The following ADGRV1 variants were observed in gnomAD, a reference collection of about 807,000 sequenced individuals.
The protein encoded by ADGRV1 is G-protein coupled receptor 98.
Under a neutral mutation model 596.2 loss-of-function variants are expected in ADGRV1, and 359 were observed. The ratio of observed to expected loss-of-function variants is 0.60; its 90% CI spans 0.55 to 0.66. ADGRV1 has a LOEUF of 0.66. Ranked by LOEUF, ADGRV1 falls within the 30% of genes least tolerant of loss-of-function variation. The pLI is 0.00. For synonymous variants in ADGRV1, 2,681 were observed against 2,679.2 expected, an observed-to-expected ratio of 1.00 and a Z score of -0.02; for missense variants, 7,274 against 7,575.6, an observed-to-expected ratio of 0.96 and a Z score of 1.48.
intron 87 of ADGRV1, among the ~76,000 whole-genome samples, chr5:91,107,526 G>T (rs1303185787): frequency 6.6e-6 from 1 of 152,184 alleles, no homozygotes; most frequent in East Asian, 1.9e-4. Context: ...AGCTGAAAGT[G>T]TGGAATGTTG....
At chr5:90,734,942 T>A (rs982725273) in intron 50 of ADGRV1, among the ~76,000 whole-genome samples, 4 of 152,234 alleles carry the variant, frequency 2.6e-5, no homozygotes, top group African/African-American at 9.6e-5. Context: ...ATTTATCAGA[T>A]AGCTGTATGG....
Position 91,102,322 on chromosome 5 carries a change from C to G in ADGRV1, c.18414C>G (p.Val6138=). ...YRHFWMLVLF[V]IFNSLQGLYV... is the part of the protein sequence containing the mutation. ...ACTTCTGGATGTTGGTTCTCTTTGT[C>G]ATTTTCAACAGTCTGCAGGTAAGCC... Residue 6138 remains valine (V), a synonymous_variant, in exon 87 of 90, where the codon GTC becomes GTG. Transcript: ENST00000405460. 1 of 1,599,824 alleles carries G rather than the reference C, an allele frequency of 6.3e-7. No homozygotes were observed. Among genetic ancestry groups the G allele is most frequent in the African/African-American group, 1.3e-5 (1 of 74,588 alleles).
chr5:90,880,448 AAAC>A (rs1769652571), intron 83 of ADGRV1, among the ~76,000 whole-genome samples: 1 of 152,240 alleles, frequency 6.6e-6, no homozygotes, highest in South Asian at 2.1e-4. Context: ...TGAGCAAAGA[AAAC>A]ATCAGTGACA....
chr5:90,788,863 GACAC>G lies in ADGRV1; in HGVS notation c.13893+580_13893+583del, dbSNP rs70973708. On this transcript the variant is annotated intron_variant, in intron 68 of 89. Transcript: ENST00000405460. ...TAGGACAGACATGCACACAGACACA[GACAC>G]ACACACACACACACACACACACACA... 9.8e-3 allele frequency among the ~76,000 whole-genome samples: 1,444 copies of G among 146,924 alleles called. 7 individuals carry two copies. Among genetic ancestry groups the G allele is most frequent in the Non-Finnish European group, 0.013 (878 of 66,430 alleles).
intron 21 of ADGRV1, among the ~76,000 whole-genome samples, chr5:90,666,265 C>T (rs553343211): frequency 6.6e-6 from 1 of 152,108 alleles, no homozygotes; most frequent in East Asian, 1.9e-4. Flanking sequence ...CTTTGTAGGT[C>T]ATTCAGGACT....
At chr5:90,970,036 C>T (rs1394082834) in intron 84 of ADGRV1, among the ~76,000 whole-genome samples, 2 of 152,256 alleles carry the variant, frequency 1.3e-5, no homozygotes, top group Non-Finnish European at 2.9e-5. Flanking sequence ...TAATACTGCG[C>T]TTTTCCAATG....
chr5:90,798,108 A>T (rs1422650292), intron 70 of ADGRV1, among the ~76,000 whole-genome samples: 8 of 152,210 alleles, frequency 5.3e-5, no homozygotes, highest in African/African-American at 1.9e-4. Flanking sequence ...GATATGAAAA[A>T]TGCTTCAAAA....
chr5:90,677,685 T>A (rs543053309), intron 25 of ADGRV1, among the ~76,000 whole-genome samples: 1 of 152,272 alleles, frequency 6.6e-6, no homozygotes, highest in East Asian at 1.9e-4. Context: ...TTGAGAAACT[T>A]CTCCCCATAT....
chr5:90,943,544 A>G (rs1776332217), intron 83 of ADGRV1, among the ~76,000 whole-genome samples: 1 of 151,990 alleles, frequency 6.6e-6, no homozygotes, highest in African/African-American at 2.4e-5. Flanking sequence ...GCCTTCCATG[A>G]CCTTCCCATC....
chr5:90,942,431 A>C (rs945595371), intron 83 of ADGRV1, among the ~76,000 whole-genome samples: 78 of 152,306 alleles, frequency 5.1e-4, no homozygotes, highest in African/African-American at 1.9e-3. Flanking sequence ...ATAGTATGAA[A>C]TAGTTATGGA....
chr5:90,580,711 C>T (rs1239377447), intron 1 of ADGRV1, among the ~76,000 whole-genome samples: 1 of 152,158 alleles, frequency 6.6e-6, no homozygotes, highest in Non-Finnish European at 1.5e-5. Flanking sequence ...CTGCCCTTAA[C>T]ATTTTTTCCT....
In ADGRV1 at chr5:90,697,125, A is replaced by G. The variant is rs1747291939; in HGVS notation, c.8134A>G (p.Arg2712Gly). The change falls in exon 34 of 90, where the codon AGA becomes GGA. Residue 2712 changes from arginine (R) to glycine (G), a missense_variant. By Grantham distance (125) the Arg-to-Gly change is moderately radical. This residue lies in a region of ADGRV1 where 3,643 missense variants were observed against 3,809.2 expected (regional missense o/e 0.96). Coordinates refer to ENST00000405460, the MANE Select transcript of ADGRV1 (RefSeq NM_032119.4). ...AGIVSFQTAS[R>G]SVIGHEGEIL... Reference sequence around the variant, plus strand: ...AATTGTTAGCTTTCAGACAGCTTCCAGATCTGTCATAGGTCATGAAGGTGG... The same window carrying G: ...AATTGTTAGCTTTCAGACAGCTTCCGGATCTGTCATAGGTCATGAAGGTGG... 6.2e-7 allele frequency: 1 copy of G among 1,613,206 alleles called. No individual in the cohort carries two copies. The highest frequency in any genetic ancestry group is 1.3e-5 in the African/African-American group (1 of 74,920).
chr5:90,811,325 G>T lies in ADGRV1; in HGVS notation c.16065G>T (p.Met5355Ile). ...KDDTGFAAFA[M>I]VIITGSDLHN... ...ATACTGGATTTGCAGCTTTTGCCAT[G>T]GTTATTATTACAGGTATATCTTTGA... The change falls in exon 74 of 90, where the codon ATG (methionine) becomes ATT (isoleucine). Residue 5355 changes from methionine to isoleucine, a missense_variant. By Grantham distance (10) the Met-to-Ile change is conservative (BLOSUM62 1). Transcript: ENST00000405460. The T allele has an allele frequency of 6.2e-7, 1 of 1,602,442 alleles. No individual in the cohort carries two copies. The highest frequency in any genetic ancestry group is 1.1e-5 in the South Asian group (1 of 88,586).
Position 90,690,351 on chromosome 5 carries a change from C to G in ADGRV1, c.6706+275C>G, listed in dbSNP as rs74484473. ...CTATATGTGTTTTGTGAGTCTTAGG[C>G]AATTCTTTAGAAAAATAATTTAATT... On this transcript the variant is annotated intron_variant, in intron 30 of 89. Transcript: ENST00000405460. Among the ~76,000 whole-genome samples, 3,263 of 152,258 alleles carry G rather than the reference C, an allele frequency of 0.021. 51 individuals are homozygous for G. Among genetic ancestry groups the G allele is most frequent in the Non-Finnish European group, 0.033 (2,219 of 68,000 alleles).
At chr5:90,740,141 G>A (rs1247896892) in intron 50 of ADGRV1, among the ~76,000 whole-genome samples, 1 of 152,204 alleles carries the variant, frequency 6.6e-6, no homozygotes, top group African/African-American at 2.4e-5. Context: ...GGTCTGAGTA[G>A]GGTCAGATGC....
chr5:90,765,003 G>A (rs1278543995), intron 59 of ADGRV1, among the ~76,000 whole-genome samples: 4 of 152,108 alleles, frequency 2.6e-5, no homozygotes, highest in Admixed American at 2.6e-4. Context: ...AGTGAGGGGA[G>A]GAGAGAAGCA....
At chr5:91,031,424 GC>G in intron 85 of ADGRV1, 1 of 826,962 alleles carries the variant, frequency 1.2e-6, no homozygotes, top group Non-Finnish European at 2.0e-6. Flanking sequence ...TGTTCCCATG[GC>G]CAGCATTAAA....
At chr5:91,140,546 A>T (rs1320519601) in intron 87 of ADGRV1, among the ~76,000 whole-genome samples, 1 of 152,194 alleles carries the variant, frequency 6.6e-6, no homozygotes, top group African/African-American at 2.4e-5. Context: ...TCTTTTCTCC[A>T]GTTTTTATTA....
chr5:91,003,384 T>C (rs1389454909), intron 85 of ADGRV1, among the ~76,000 whole-genome samples: 1 of 152,192 alleles, frequency 6.6e-6, no homozygotes, highest in Non-Finnish European at 1.5e-5. Flanking sequence ...ATCTGACTTA[T>C]CCACAGATCC....
Sources: allele counts gnomAD v4.1 joint callset (sites outside exome capture counted in the v4.1 genomes callset), GRCh38; gene constraint gnomAD v4.1.1; regional missense constraint gnomAD v4.1.1; transcripts MANE v1.5; gene names NCBI Gene and HGNC (gene_info 2026-07-23, HGNC 2026-07-21).